The following CDH13 variants were observed in gnomAD, a reference collection of about 807,000 sequenced individuals.
CDH13 encodes cadherin-13.
In CDH13, 24 loss-of-function variants were observed where a neutral mutation model predicts 63.8. The ratio of observed to expected loss-of-function variants is 0.38; its 90% CI spans 0.27 to 0.53. The LOEUF is 0.53. Among genes scored for constraint, CDH13 ranks in the 20% least tolerant of loss-of-function variants. CDH13 has a pLI of 0.85. For synonymous variants in CDH13, 503 were observed against 355.3 expected, an observed-to-expected ratio of 1.42 and a Z score of -4.67; for missense variants, 1,049 against 903.1, an observed-to-expected ratio of 1.16 and a Z score of -2.07.
intron 10 of CDH13, among the ~76,000 whole-genome samples, chr16:83,694,049 G>A (rs1905145755): frequency 2.0e-5 from 3 of 152,224 alleles, no homozygotes; most frequent in African/African-American, 2.4e-5. Flanking sequence ...ACAGAAACCA[G>A]CATGGGCTAT....
chr16:83,469,615 T>C (rs1191738023), intron 6 of CDH13, among the ~76,000 whole-genome samples: 2 of 152,168 alleles, frequency 1.3e-5, no homozygotes, highest in East Asian at 3.9e-4. Flanking sequence ...GCAAGAAAAT[T>C]CTGTGTGTAA....
At chr16:83,227,473 T>C (rs1172267150) in intron 5 of CDH13, among the ~76,000 whole-genome samples, 4 of 152,076 alleles carry the variant, frequency 2.6e-5, no homozygotes, top group Admixed American at 6.5e-5. Flanking sequence ...GGTTGGAAGC[T>C]GGTGGTGCCT....
chr16:82,663,549 C>A lies in CDH13; in HGVS notation c.45+36412C>A, dbSNP rs72832169. Among the ~76,000 whole-genome samples the A allele has an allele frequency of 7.3e-3, 1,118 of 152,260 alleles. 6 individuals carry two copies. The highest frequency in any genetic ancestry group is 0.011 in the Non-Finnish European group (749 of 68,028). On this transcript the variant is annotated intron_variant, in intron 1 of 13. Transcript: ENST00000567109. ...GTGACTCCCCTAGAAATTCACTGAC[C>A]CTAGCCAGATCCCATTTGTCCTGTC...
chr16:83,576,555 G>A (rs1041656164), intron 7 of CDH13, among the ~76,000 whole-genome samples: 2 of 152,086 alleles, frequency 1.3e-5, no homozygotes, highest in Non-Finnish European at 2.9e-5. Flanking sequence ...ACTTTTTGAG[G>A]AACCATCATA....
chr16:82,841,218 G>T (rs942612874), intron 1 of CDH13, among the ~76,000 whole-genome samples: 12 of 152,152 alleles, frequency 7.9e-5, no homozygotes, highest in African/African-American at 2.9e-4. Context: ...TATTTGAATG[G>T]CAGCCTCTGC....
chr16:83,037,077 C>A lies in CDH13; in HGVS notation c.366+4859C>A, dbSNP rs142899217. On this transcript the variant is annotated intron_variant, in intron 3 of 13. Coordinates refer to ENST00000567109, the MANE Select transcript of CDH13 (RefSeq NM_001257.5). ...GAGAAACAGGCAGGATAAAAATAGT[C>A]CTTGGTGGTGTTCATCCAGGAGCCT... is the stretch of plus-strand genomic sequence containing the variant. 3.2e-3 allele frequency among the ~76,000 whole-genome samples: 490 copies of A among 152,228 alleles called. 5 individuals are homozygous for A. The highest frequency in any genetic ancestry group is 0.031 in the Middle Eastern group (9 of 294).
At chr16:82,839,998 A>C (rs570762139) in intron 1 of CDH13, among the ~76,000 whole-genome samples, 76 of 152,312 alleles carry the variant, frequency 5.0e-4, no homozygotes, top group African/African-American at 1.8e-3. Context: ...GAACTTCTGG[A>C]CTCAAACAGA....
intron 6 of CDH13, among the ~76,000 whole-genome samples, chr16:83,469,065 A>C (rs2073390594): frequency 6.6e-6 from 1 of 152,156 alleles, no homozygotes; most frequent in Admixed American, 6.5e-5. Flanking sequence ...TCAGACTTTT[A>C]GATGGCAATA....
At chr16:82,706,064 T>C (rs181780737) in intron 1 of CDH13, among the ~76,000 whole-genome samples, 48 of 152,130 alleles carry the variant, frequency 3.2e-4, no homozygotes, top group Admixed American at 2.9e-3. Context: ...TCTTCCTTAT[T>C]CTCTCTCTTC....
chr16:82,746,199 ATATATAAACACAC>A (rs2034159799), intron 1 of CDH13, among the ~76,000 whole-genome samples: 1 of 96,666 alleles, frequency 1.0e-5, no homozygotes, highest in South Asian at 4.2e-4. Context: ...GTGTGTGTTT[ATATATAAACACAC>A]TGTTTATATA....
chr16:83,172,488 C>G (rs940093450), intron 4 of CDH13, among the ~76,000 whole-genome samples: 4 of 147,234 alleles, frequency 2.7e-5, no homozygotes, highest in African/African-American at 1.0e-4. Context: ...GACTCTGTCT[C>G]AAAAAAGAAA....
intron 3 of CDH13, among the ~76,000 whole-genome samples, chr16:83,039,904 G>C (rs1052070634): frequency 6.6e-6 from 1 of 152,218 alleles, no homozygotes; most frequent in African/African-American, 2.4e-5. Flanking sequence ...AACCAGCCAA[G>C]ATTTTCCTTC....
At chr16:83,632,206 C>A (rs1285524522) in intron 8 of CDH13, among the ~76,000 whole-genome samples, 1 of 151,378 alleles carries the variant, frequency 6.6e-6, no homozygotes, top group East Asian at 1.9e-4. Flanking sequence ...TTTTATTTCC[C>A]TGAATCCCAG....
chr16:83,206,102 A>C (rs4783334), intron 4 of CDH13, among the ~76,000 whole-genome samples: 4 of 152,074 alleles, frequency 2.6e-5, no homozygotes, highest in South Asian at 2.1e-4. Flanking sequence ...TGACTCATAC[A>C]TGGCCTATGG....
intron 3 of CDH13, among the ~76,000 whole-genome samples, chr16:83,088,907 A>C (rs560173596): frequency 6.6e-6 from 1 of 152,234 alleles, no homozygotes; most frequent in Non-Finnish European, 1.5e-5. Context: ...GTTTTTGTCA[A>C]TAAAGCTTTA....
At position 83,220,015 on chromosome 16, in the gene CDH13, G is replaced by T. The variant is rs12716966; in HGVS notation, c.636+2518G>T. Among the ~76,000 whole-genome samples the T allele has an allele frequency of 3.3e-5, 5 of 152,192 alleles. No homozygotes were observed. In the East Asian group the frequency reaches 9.7e-4, roughly 29 times the overall value. ...ATTGGAAAGGGTACTGGTATTTAGT[G>T]GGAATGCAGTTTCTTACACAAGTAC... On this transcript the variant is annotated intron_variant, in intron 5 of 13. Coordinates refer to ENST00000567109, the MANE Select transcript of CDH13 (RefSeq NM_001257.5).
chr16:83,127,987 G>C lies in CDH13; in HGVS notation c.483+2486G>C, dbSNP rs554243578. 7.0e-4 allele frequency among the ~76,000 whole-genome samples: 107 copies of C among 152,254 alleles called. No individual in the cohort carries two copies. In the Middle Eastern group the frequency reaches 0.014, roughly 19 times the overall value. ...GACAGGTTTCCTGGGAGCCCAAGATGCCAGATGCCAAGGGACCTGACTCCC... is the reference window on the plus strand; with the variant it reads ...GACAGGTTTCCTGGGAGCCCAAGATCCCAGATGCCAAGGGACCTGACTCCC... On this transcript the variant is annotated intron_variant, in intron 4 of 13. Transcript: ENST00000567109.
In CDH13 at chr16:83,067,288, C is replaced by T. The variant is rs148045967; in HGVS notation, c.366+35070C>T. 5.0e-3 allele frequency among the ~76,000 whole-genome samples: 762 copies of T among 152,256 alleles called. 5 individuals are homozygous for T. Among genetic ancestry groups the T allele is most frequent in the African/African-American group, 0.017 (725 of 41,552 alleles). On this transcript the variant is annotated intron_variant, in intron 3 of 13. Transcript: ENST00000567109. The stretch of plus-strand genomic sequence containing the variant: ...AGGCTCTGCATAGTACAGTGGTTAA[C>T]GGCACGGGCTGAGAACTGAGGAATA...
intron 2 of CDH13, among the ~76,000 whole-genome samples, chr16:83,008,660 G>A (rs568449877): frequency 6.6e-6 from 1 of 152,186 alleles, no homozygotes; most frequent in Non-Finnish European, 1.5e-5. Context: ...ATGGGTGGAT[G>A]AGGGATTGGG....
Sources: allele counts gnomAD v4.1 joint callset (sites outside exome capture counted in the v4.1 genomes callset), GRCh38; gene constraint gnomAD v4.1.1; transcripts MANE v1.5; gene names NCBI Gene and HGNC (gene_info 2026-07-23, HGNC 2026-07-21).